Variants in DSCAM observed in about 807,000 individuals in gnomAD.
DSCAM encodes the protein DS cell adhesion molecule, also known as cell adhesion molecule DSCAM.
A neutral mutation model predicts 217.7 loss-of-function variants in DSCAM; 47 were observed. The ratio of observed to expected loss-of-function variants is 0.22; its 90% confidence interval spans 0.17 to 0.28. The LOEUF (loss-of-function observed/expected upper bound fraction) is 0.28. Ranked by LOEUF, DSCAM falls within the 10% of genes least tolerant of loss-of-function variation. The pLI is 1.00. For missense variants in DSCAM, 2,080 were observed against 2,618.3 expected, an observed-to-expected ratio of 0.79 and a Z score of 4.49; for synonymous variants, 1,056 against 1,015.3, an observed-to-expected ratio of 1.04 and a Z score of -0.76.
intron 3 of DSCAM, among the ~76,000 whole-genome samples, chr21:40,636,921 C>T (rs1354920848): frequency 1.3e-5 from 2 of 149,934 alleles, no homozygotes; most frequent in African/African-American, 4.9e-5. Context: ...GGGATCCAAG[C>T]GGAATCAAGC....
intron 11 of DSCAM, among the ~76,000 whole-genome samples, chr21:40,213,516 G>A (rs1213449010): frequency 6.6e-6 from 1 of 152,162 alleles, no homozygotes; most frequent in Admixed American, 6.5e-5. Flanking sequence ...TGTGACCTGG[G>A]TATCCATAAT....
intron 8 of DSCAM, among the ~76,000 whole-genome samples, chr21:40,326,235 A>G (rs1036122595): frequency 6.6e-6 from 1 of 152,214 alleles, no homozygotes; most frequent in Non-Finnish European, 1.5e-5. Flanking sequence ...TTGACAAAAC[A>G]AAAACAAAAT....
At chr21:40,494,099 AT>A (rs2076098497) in intron 3 of DSCAM, among the ~76,000 whole-genome samples, 1 of 152,028 alleles carries the variant, frequency 6.6e-6, no homozygotes. Context: ...AAATCACCTA[AT>A]CACAAAGGAA....
At chr21:40,081,167 T>C (rs1175276218) in intron 24 of DSCAM, among the ~76,000 whole-genome samples, 1 of 152,216 alleles carries the variant, frequency 6.6e-6, no homozygotes, top group Non-Finnish European at 1.5e-5. Flanking sequence ...CTGTGAATGC[T>C]GAAATATTCT....
chr21:40,489,919 T>C (rs768770344), intron 3 of DSCAM, among the ~76,000 whole-genome samples: 3 of 152,112 alleles, frequency 2.0e-5, no homozygotes, highest in African/African-American at 4.8e-5. Flanking sequence ...ACGTAAGATT[T>C]TGTAGGTGTG....
At chr21:40,433,134 G>A (rs2075550786) in intron 3 of DSCAM, among the ~76,000 whole-genome samples, 1 of 152,034 alleles carries the variant, frequency 6.6e-6, no homozygotes, top group Non-Finnish European at 1.5e-5. Flanking sequence ...TGAGGTGGGT[G>A]AATCACGAGG....
intron 3 of DSCAM, among the ~76,000 whole-genome samples, chr21:40,514,357 G>A (rs978757616): frequency 2.0e-5 from 3 of 152,088 alleles, no homozygotes; most frequent in African/African-American, 7.2e-5. Flanking sequence ...TTATTAATTG[G>A]ACTACATCAC....
At chr21:40,360,101 A>T (rs1424461675) in intron 4 of DSCAM, among the ~76,000 whole-genome samples, 1 of 138,804 alleles carries the variant, frequency 7.2e-6, no homozygotes, top group East Asian at 2.3e-4. Flanking sequence ...TCAGGTAGTG[A>T]GCATGGTACT....
chr21:40,740,746 AG>A (rs2091115953), intron 1 of DSCAM, among the ~76,000 whole-genome samples: 2 of 152,216 alleles, frequency 1.3e-5, no homozygotes, highest in Non-Finnish European at 2.9e-5. Context: ...TCAGAAGGAC[AG>A]GGAGGATGGC....
At position 40,369,107 on chromosome 21, in the gene DSCAM, A is replaced by G. The variant is rs766252203; in HGVS notation, c.647T>C (p.Phe216Ser). Reference protein sequence around the residue: ...ETRQSNSARLFVSDPANSAPS... With the variant: ...ETRQSNSARLSVSDPANSAPS... ...TCTTGATAAGTTTTTACCTGATACA[A>G]AAAGTCTGGCGCTGTTGCTCTGCCT... is the stretch of plus-strand genomic sequence containing the variant. Residue 216 changes from phenylalanine (F) to serine (S), a missense_variant, in exon 4 of 33, where the codon TTT becomes TCT. Around this residue, in one of 5 missense-constraint regions of DSCAM, gnomAD observed 568 missense variants for 678.1 expected, o/e 0.84. Transcript: ENST00000400454. 4.4e-6 allele frequency: 7 copies of G among 1,607,558 alleles called. No homozygotes were observed. Among genetic ancestry groups the G allele is most frequent in the East Asian group, 2.2e-5 (1 of 44,758 alleles).
At position 40,043,143 on chromosome 21, in the gene DSCAM, C is replaced by T. The variant is rs541959955; in HGVS notation, c.5384-470G>A. Among the ~76,000 whole-genome samples, 88 of 152,298 alleles carry T rather than the reference C, an allele frequency of 5.8e-4. 1 individual carries two copies. Among genetic ancestry groups the T allele is most frequent in the African/African-American group, 1.8e-3 (75 of 41,576 alleles). Reference sequence around the variant, plus strand: ...TTAGAAATAAAGATGTCATGTTGCACGGAAATTGGCCACAAGCCAGAATGG... The same window carrying T: ...TTAGAAATAAAGATGTCATGTTGCATGGAAATTGGCCACAAGCCAGAATGG... On this transcript the variant is annotated intron_variant, in intron 31 of 32. Transcript: ENST00000400454.
chr21:40,291,098 C>T (rs2073886533), intron 10 of DSCAM, among the ~76,000 whole-genome samples: 1 of 152,210 alleles, frequency 6.6e-6, no homozygotes. Flanking sequence ...GTCACCGGCA[C>T]TTCCACTATC....
At chr21:40,382,195 A>G (rs985895333) in intron 3 of DSCAM, among the ~76,000 whole-genome samples, 16 of 152,074 alleles carry the variant, frequency 1.1e-4, no homozygotes, top group Admixed American at 6.5e-4. Flanking sequence ...TAAATTAAAG[A>G]TTCCTGCTTT....
intron 3 of DSCAM, among the ~76,000 whole-genome samples, chr21:40,559,411 T>C (rs2076698898): frequency 1.4e-5 from 2 of 146,580 alleles, no homozygotes; most frequent in African/African-American, 5.1e-5. Flanking sequence ...TGCGCTGAGA[T>C]CGCACCACTG....
chr21:40,096,728 G>A (rs546495269), intron 20 of DSCAM, among the ~76,000 whole-genome samples: 10 of 152,058 alleles, frequency 6.6e-5, no homozygotes, highest in African/African-American at 2.2e-4. Context: ...GTACCAAGGA[G>A]CATCATAATC....
At chr21:40,673,022 T>C (rs2090295830) in intron 3 of DSCAM, among the ~76,000 whole-genome samples, 1 of 152,202 alleles carries the variant, frequency 6.6e-6, no homozygotes, top group Non-Finnish European at 1.5e-5. Flanking sequence ...TATCCCTGCA[T>C]AAAAATCCAA....
At chr21:40,580,898 T>C (rs1022060280) in intron 3 of DSCAM, among the ~76,000 whole-genome samples, 1 of 152,218 alleles carries the variant, frequency 6.6e-6, no homozygotes, top group Non-Finnish European at 1.5e-5. Flanking sequence ...ATGCATTTCT[T>C]TTTTGAAAAA....
intron 1 of DSCAM, among the ~76,000 whole-genome samples, chr21:40,781,156 G>A (rs1040138809): frequency 7.2e-5 from 11 of 151,880 alleles, no homozygotes; most frequent in South Asian, 4.2e-4. Flanking sequence ...TTACAGGAGC[G>A]TGCCACCATG....
chr21:40,236,520 G>A (rs1306653655), intron 11 of DSCAM, among the ~76,000 whole-genome samples: 1 of 152,066 alleles, frequency 6.6e-6, no homozygotes, highest in African/African-American at 2.4e-5. Context: ...CTCAGGTGCT[G>A]TAGTCAAAGG....
Sources: gnomAD v4.1 joint callset for allele counts (sites outside exome capture counted in the v4.1 genomes callset) on GRCh38, gnomAD v4.1.1 for gene constraint, gnomAD v4.1.1 regional missense constraint, MANE v1.5 for transcripts, NCBI Gene and HGNC (gene_info 2026-07-23, HGNC 2026-07-21) for gene names.